TBC1D1: variants seen among roughly 807,000 people sequenced by gnomAD.
The protein encoded by TBC1D1 is TBC1 domain family member 1.
In TBC1D1, 89 loss-of-function variants were observed where a neutral mutation model predicts 125.6. That is an observed-to-expected ratio of 0.71 (90% CI 0.60 to 0.85). The LOEUF (loss-of-function observed/expected upper bound fraction) is 0.85. Ranked by LOEUF, TBC1D1 falls within the 40% of genes least tolerant of loss-of-function variation. The pLI is 0.00. For missense variants in TBC1D1, 1,377 were observed against 1,469.2 expected (o/e 0.94, Z 1.03); for synonymous variants, 565 against 564.1 (o/e 1.00, Z -0.02).
chr4:37,903,867 T>A (rs188289675), intron 2 of TBC1D1, among the ~76,000 whole-genome samples: 5 of 152,210 alleles, frequency 3.3e-5, no homozygotes, highest in African/African-American at 9.6e-5. Context: ...ACCCAAAGGG[T>A]AGAGAAGGCT....
chr4:37,986,205 A>G lies in TBC1D1; in HGVS notation c.418-28304A>G, dbSNP rs574323913. Reference sequence around the variant, plus strand: ...GTAACCAGAATGTCATCTTGAATGTAATTCCATTTGTTCTTTTCTACATGG... The same window carrying G: ...GTAACCAGAATGTCATCTTGAATGTGATTCCATTTGTTCTTTTCTACATGG... On this transcript the variant is annotated intron_variant, in intron 2 of 19. Transcript: ENST00000261439. 4.6e-5 allele frequency among the ~76,000 whole-genome samples: 7 copies of G among 152,290 alleles called. No homozygotes were observed. In the South Asian group the frequency reaches 1.5e-3, roughly 32 times the overall value.
chr4:37,960,045 G>A (rs2380956), intron 2 of TBC1D1, among the ~76,000 whole-genome samples: 4 of 152,054 alleles, frequency 2.6e-5, no homozygotes, highest in Non-Finnish European at 4.4e-5. Flanking sequence ...GTATGCAAAA[G>A]TACATTATAA....
chr4:38,134,314 C>T (rs1487033700), intron 19 of TBC1D1, among the ~76,000 whole-genome samples: 1 of 152,168 alleles, frequency 6.6e-6, no homozygotes, highest in Non-Finnish European at 1.5e-5. Context: ...CCCAGCATAC[C>T]CTATCAGATA....
rs769310512 is a variant in TBC1D1, at chr4:38,014,577, G to A, written c.486G>A (p.Pro162=). The A allele has an allele frequency of 2.5e-6, 4 of 1,613,354 alleles. No individual in the cohort carries two copies. The highest frequency in any genetic ancestry group is 2.2e-5 in the East Asian group (1 of 44,888). The change falls in exon 3 of 20, where the codon CCG becomes CCA. Residue 162 remains proline (P), a synonymous_variant. Transcript: ENST00000261439. The surrounding 1 kb of genome is among the most constrained non-coding windows in gnomAD (Gnocchi z 5.1). ...CCCGGCAGGAGGAGCTGCACTGCCCGTCCGAGTTCGACGACACGTTTTCCA... is the reference window on the plus strand; with the variant it reads ...CCCGGCAGGAGGAGCTGCACTGCCCATCCGAGTTCGACGACACGTTTTCCA...
chr4:38,128,295 T>C (rs1258315480), intron 18 of TBC1D1, among the ~76,000 whole-genome samples: 4 of 152,198 alleles, frequency 2.6e-5, no homozygotes, highest in Admixed American at 1.3e-4. Context: ...GAACTTGACA[T>C]CTGAGTGTTC....
rs1333590168 is a variant in TBC1D1 at position 38,092,779 on chromosome 4, T to A, written c.2236+2662T>A. Among the ~76,000 whole-genome samples the A allele has an allele frequency of 2.0e-5, 3 of 151,552 alleles. No homozygotes were observed. In the East Asian group the frequency reaches 5.8e-4, roughly 29 times the overall value. On this transcript the variant is annotated intron_variant, in intron 13 of 19. Coordinates refer to ENST00000261439, the MANE Select transcript of TBC1D1 (RefSeq NM_015173.4). ...AAGAAGTAATTATTTTTCCACTTAT[T>A]CCACTTCAGGGTCTCAGGGGGCCAG...
chr4:38,120,132 T>C (rs1763613858), intron 17 of TBC1D1: 1 of 984,630 alleles, frequency 1.0e-6, no homozygotes, highest in Non-Finnish European at 1.2e-6. Flanking sequence ...CTGTAGACTT[T>C]GTAGGCAGTG....
Position 38,103,052 on chromosome 4 carries a change from C to T in TBC1D1, c.2452C>T (p.His818Tyr). The change falls in exon 15 of 20, where the codon CAC (histidine) becomes TAC (tyrosine). Residue 818 changes from histidine to tyrosine, a missense_variant. His to Tyr is a moderately conservative substitution (Grantham distance 83). Coordinates refer to ENST00000261439, the MANE Select transcript of TBC1D1 (RefSeq NM_015173.4). ...CTGGAAATTTCTAGCTGAGCAATTC[C>T]ACCTTAAACACCAGTTTCCCAGCAA... The T allele has an allele frequency of 1.2e-6, 2 of 1,614,116 alleles. No homozygotes were observed. Among genetic ancestry groups the T allele is most frequent in the Non-Finnish European group, 1.7e-6 (2 of 1,180,008 alleles).
intron 2 of TBC1D1, among the ~76,000 whole-genome samples, chr4:37,913,005 G>A (rs1205510621): frequency 6.6e-6 from 1 of 152,226 alleles, no homozygotes; most frequent in Admixed American, 6.5e-5. Context: ...ATGAGAGACA[G>A]ATGAGGGAAA....
At chr4:38,052,194 T>TGCGC (rs561090742) in intron 11 of TBC1D1, 134 bp downstream of exon 12, 69 of 581,382 alleles carry the variant, frequency 1.2e-4, no homozygotes, top group Non-Finnish European at 1.6e-4. Flanking sequence ...TGTGTGTGTG[T>TGCGC]GCGCGCGCGT....
At chr4:38,105,566 A>G (rs1761156169) in intron 15 of TBC1D1, among the ~76,000 whole-genome samples, 2 of 152,118 alleles carry the variant, frequency 1.3e-5, no homozygotes, top group Admixed American at 6.5e-5. Flanking sequence ...CCCAATAGGT[A>G]GTTTTTCAAC....
intron 2 of TBC1D1, among the ~76,000 whole-genome samples, chr4:37,992,614 C>T (rs977857887): frequency 2.7e-5 from 4 of 150,680 alleles, no homozygotes; most frequent in Non-Finnish European, 5.9e-5. Flanking sequence ...CCTGCCTCAG[C>T]CTCCCGAGTA....
At chr4:38,111,815 T>C (rs1375768545) in intron 15 of TBC1D1, 2 of 384,588 alleles carry the variant, frequency 5.2e-6, no homozygotes, top group African/African-American at 4.4e-5. Context: ...CAATAGAATT[T>C]CGTGTAAAAC....
At chr4:38,028,191 A>T (rs1224218234) in intron 7 of TBC1D1, among the ~76,000 whole-genome samples, 5 of 151,992 alleles carry the variant, frequency 3.3e-5, no homozygotes, top group African/African-American at 1.2e-4. Context: ...TTTTTGACAG[A>T]GTCTTGCTCT....
chr4:37,991,157 AGAGGTAATAAT>A (rs772872909), intron 2 of TBC1D1, among the ~76,000 whole-genome samples: 260 of 152,356 alleles, frequency 1.7e-3, no homozygotes, highest in Middle Eastern at 0.017. Context: ...CTTGGTATAC[AGAGGTAATAAT>A]TTCCCAAATG....
chr4:38,037,349 T>A (rs1747417820), intron 8 of TBC1D1, among the ~76,000 whole-genome samples: 1 of 151,788 alleles, frequency 6.6e-6, no homozygotes, highest in Non-Finnish European at 1.5e-5. Context: ...AACTGGCATC[T>A]GTGTAACACT....
In TBC1D1 at chr4:38,094,233, T is replaced by C. The variant is rs556186814; in HGVS notation, c.2237-1696T>C. Among the ~76,000 whole-genome samples, 6 of 152,266 alleles carry C rather than the reference T, an allele frequency of 3.9e-5. No homozygotes were observed. The East Asian group carries it at 7.7e-4, about 20-fold the overall frequency. On this transcript the variant is annotated intron_variant, in intron 13 of 19. Transcript: ENST00000261439. ...GAAAGCCATTGTTAACAGAGCAGAA[T>C]TGGGGATGGAGCAGCCATAGCCCAC...
Position 38,133,144 on chromosome 4 carries a change from C to T in TBC1D1, c.3193C>T (p.Gln1065Ter). 1 of 1,614,128 alleles carries T rather than the reference C, an allele frequency of 6.2e-7. No homozygotes were observed. Among genetic ancestry groups the T allele is most frequent in the Non-Finnish European group, 8.5e-7 (1 of 1,179,988 alleles). ...TTATGAAGTTGAGTACCACGTCCTT[C>T]AAGAAGAACTTATCGATTCCTCTCC... Residue 1065 changes from glutamine (Q) to a stop codon, truncating the protein, a stop_gained, in exon 19 of 20, where the codon CAA becomes TAA. Coordinates refer to ENST00000261439, the MANE Select transcript of TBC1D1 (RefSeq NM_015173.4). LOFTEE classifies it high-confidence loss of function.
At chr4:38,023,717 CGT>C (rs1406510076) in intron 6 of TBC1D1, among the ~76,000 whole-genome samples, 2 of 152,138 alleles carry the variant, frequency 1.3e-5, no homozygotes, top group Non-Finnish European at 2.9e-5. Flanking sequence ...TTTACTCGTC[CGT>C]GGACATTTGG....
Sources: allele counts gnomAD v4.1 joint callset (sites outside exome capture counted in the v4.1 genomes callset), GRCh38; gene constraint gnomAD v4.1.1; non-coding constraint Gnocchi (gnomAD v3.1); transcripts MANE v1.5; gene names NCBI Gene and HGNC (gene_info 2026-07-23, HGNC 2026-07-21).